Variants in COL6A5 observed in about 807,000 individuals in gnomAD.
COL6A5 encodes collagen alpha-5(VI) chain.
In COL6A5, 48 loss-of-function variants were observed where a neutral mutation model predicts 65.6. The ratio of observed to expected loss-of-function variants is 0.73; its 90% CI spans 0.58 to 0.93. The LOEUF (loss-of-function observed/expected upper bound fraction) is 0.93. Among genes scored for constraint, COL6A5 ranks in the 40% least tolerant of loss-of-function variants. The pLI is 0.00. For synonymous variants in COL6A5, 291 were observed against 322.8 expected (o/e 0.90, Z 1.05); for missense variants, 914 against 928.3 (o/e 0.98, Z 0.20).
intron 1 of COL6A5, among the ~76,000 whole-genome samples, chr3:130,437,312 C>T (rs1463983298): frequency 1.3e-5 from 2 of 152,040 alleles, no homozygotes; most frequent in African/African-American, 4.8e-5. Flanking sequence ...GATATAAGTA[C>T]TAATCTTGGT....
chr3:130,391,139 C>T (rs779561068), intron 6 of COL6A5, 40 bp from the exon 7 acceptor site: 5 of 1,429,126 alleles, frequency 3.5e-6, no homozygotes, highest in Non-Finnish European at 4.8e-6. Context: ...GTAGAATGCA[C>T]TGCAGAAAGT....
At chr3:130,462,737 G>A (rs551358656) in intron 5 of COL6A5, among the ~76,000 whole-genome samples, 1 of 152,168 alleles carries the variant, frequency 6.6e-6, no homozygotes, top group Non-Finnish European at 1.5e-5. Flanking sequence ...ATTGCATTTA[G>A]TTCGTATATA....
chr3:130,384,692 A>G (rs944250190), intron 4 of COL6A5, 112 bp from the exon 5 acceptor site: 1 of 853,836 alleles, frequency 1.2e-6, no homozygotes, highest in African/African-American at 1.7e-5. Context: ...GCTCTACGCA[A>G]AAACGAAGTC....
At chr3:130,380,941 G>A (rs1935973859) in intron 4 of COL6A5, among the ~76,000 whole-genome samples, 1 of 152,038 alleles carries the variant, frequency 6.6e-6, no homozygotes, top group Non-Finnish European at 1.5e-5. Flanking sequence ...ATTTTTTGCT[G>A]TTCGTGGTCT....
At chr3:130,407,284 G>C (rs1039006865) in intron 17 of COL6A5, among the ~76,000 whole-genome samples, 3 of 152,178 alleles carry the variant, frequency 2.0e-5, no homozygotes, top group African/African-American at 7.2e-5. Flanking sequence ...TTCAAGAGGT[G>C]GTGGTGGGAA....
intron 3 of COL6A5, among the ~76,000 whole-genome samples, chr3:130,441,422 A>G (rs1056420033): frequency 6.6e-6 from 1 of 152,194 alleles, no homozygotes; most frequent in Admixed American, 6.5e-5. Context: ...CATGAGTGCC[A>G]GGCTACAAAT....
chr3:130,360,847 C>T (rs955920281), intron 1 of COL6A5, among the ~76,000 whole-genome samples: 1 of 152,078 alleles, frequency 6.6e-6, no homozygotes, highest in African/African-American at 2.4e-5. Flanking sequence ...TTTAAGTGTA[C>T]TATTGGAACT....
intron 3 of COL6A5, among the ~76,000 whole-genome samples, chr3:130,378,017 C>T (rs1935850514): frequency 6.6e-6 from 1 of 152,102 alleles, no homozygotes; most frequent in Non-Finnish European, 1.5e-5. Context: ...TTTCTGCCTT[C>T]TAAGAACTCA....
At chr3:130,430,620 A>G (rs1241533137), upstream of COL6A5, among the ~76,000 whole-genome samples, 2 of 152,210 alleles carry the variant, frequency 1.3e-5, no homozygotes, top group Non-Finnish European at 2.9e-5. Context: ...ATCATAAGAC[A>G]TGAGTATTGA....
intron 1 of COL6A5, among the ~76,000 whole-genome samples, chr3:130,372,303 C>T (rs1935596202): frequency 6.6e-6 from 1 of 152,108 alleles, no homozygotes; most frequent in African/African-American, 2.4e-5. Context: ...CCAAATATTT[C>T]ACTCCTAGGT....
Position 130,452,315 on chromosome 3 carries a change from A to G in COL6A5, c.1333-3140A>G, listed in dbSNP as rs547593352. 4.7e-5 allele frequency among the ~76,000 whole-genome samples: 7 copies of G among 150,164 alleles called. No individual in the cohort carries two copies. In the East Asian group the frequency reaches 1.4e-3, roughly 30 times the overall value. ...CACATGGGCACCAGATATTGGGGGA[A>G]ATTCAGCCAGATATCGGGCAAAATT... On this transcript the variant is annotated intron_variant, in intron 4 of 7. Coordinates refer to ENST00000512836, the Ensembl canonical transcript of COL6A5.
chr3:130,381,993 G>A (rs1458471160), intron 4 of COL6A5, among the ~76,000 whole-genome samples: 1 of 151,932 alleles, frequency 6.6e-6, no homozygotes, highest in Non-Finnish European at 1.5e-5. Context: ...CCTGACTTAA[G>A]TTGGGCTCCT....
intron 18 of COL6A5, among the ~76,000 whole-genome samples, chr3:130,409,677 C>T (rs1937110900): frequency 6.6e-6 from 1 of 152,134 alleles, no homozygotes; most frequent in African/African-American, 2.4e-5. Context: ...TCACTATTTG[C>T]AGACTTAGTT....
rs182032809 is a variant in COL6A5, at chr3:130,387,930, A to G, written c.1862-650A>G. Among the ~76,000 whole-genome samples, 18 of 151,922 alleles carry G rather than the reference A, an allele frequency of 1.2e-4. No homozygotes were observed. In the East Asian group the frequency reaches 3.5e-3, roughly 29 times the overall value. ...ACAATGAACATACATATGTGTGTATATATATGTATATATATATATACGTAT... is the reference window on the plus strand; with the variant it reads ...ACAATGAACATACATATGTGTGTATGTATATGTATATATATATATACGTAT... On this transcript the variant is annotated intron_variant and NMD_transcript_variant, in intron 5 of 41. Transcript: ENST00000312481.
intron 5 of COL6A5, among the ~76,000 whole-genome samples, chr3:130,461,431 A>G (rs1709699071): frequency 6.6e-6 from 1 of 152,120 alleles, no homozygotes; most frequent in African/African-American, 2.4e-5. Context: ...TATAGACATT[A>G]TTTTATTTAA....
chr3:130,384,701 T>A, intron 4 of COL6A5, 103 bp from the exon 5 acceptor site: 1 of 933,772 alleles, frequency 1.1e-6, no homozygotes, highest in East Asian at 2.6e-5. Flanking sequence ...AAAAACGAAG[T>A]CTTCATTCTT....
intron 7 of COL6A5, among the ~76,000 whole-genome samples, chr3:130,478,787 C>A (rs1171599738): frequency 6.6e-6 from 1 of 152,002 alleles, no homozygotes; most frequent in African/African-American, 2.4e-5. Flanking sequence ...GGCTTCAAAT[C>A]TTTTCGATCC....
At chr3:130,442,261 A>G (rs1559906151) in intron 3 of COL6A5, among the ~76,000 whole-genome samples, 1 of 152,196 alleles carries the variant, frequency 6.6e-6, no homozygotes, top group Non-Finnish European at 1.5e-5. Context: ...CTGTGCATGC[A>G]TAAAAAGAAA....
intron 18 of COL6A5, 82 bp downstream of exon 18, chr3:130,409,470 T>A: frequency 8.2e-7 from 1 of 1,216,310 alleles, no homozygotes. Flanking sequence ...GTTTCCTGCC[T>A]ACCCTGTAGG....
Sources: allele counts gnomAD v4.1 joint callset (sites outside exome capture counted in the v4.1 genomes callset), GRCh38; gene constraint gnomAD v4.1.1; transcripts MANE v1.5; gene names NCBI Gene and HGNC (gene_info 2026-07-23, HGNC 2026-07-21).